NMNAT2: variants seen among roughly 807,000 people sequenced by gnomAD.
NMNAT2 encodes the protein nicotinamide nucleotide adenylyltransferase 2, also known as nicotinamide/nicotinic acid mononucleotide adenylyltransferase 2.
NMNAT2 carries 11 observed loss-of-function variants against 41.6 expected under a neutral mutation model. That is an observed-to-expected ratio of 0.26 (90% confidence interval 0.17 to 0.44). The LOEUF (loss-of-function observed/expected upper bound fraction) is 0.44, where lower values mean the gene tolerates loss of function less well. Ranked by LOEUF, NMNAT2 falls within the 20% of genes least tolerant of loss-of-function variation. The pLI is 1.00. For missense variants in NMNAT2, 288 were observed against 407.7 expected (o/e 0.71, Z 2.53); for synonymous variants, 148 against 151.2 (o/e 0.98, Z 0.16).
intron 1 of NMNAT2, among the ~76,000 whole-genome samples, chr1:183,322,486 C>T (rs1662375477): frequency 2.0e-5 from 3 of 152,186 alleles, no homozygotes; most frequent in Admixed American, 1.3e-4. Context: ...CTCCACCTGA[C>T]CCATCCAGCT....
chr1:183,338,149 T>A (rs1237445714), intron 1 of NMNAT2, among the ~76,000 whole-genome samples: 9 of 96,412 alleles, frequency 9.3e-5, no homozygotes, highest in Admixed American at 4.0e-4. Context: ...CCCATCTCTT[T>A]AAAAAAAAAA....
intron 1 of NMNAT2, among the ~76,000 whole-genome samples, chr1:183,295,935 G>A (rs977108298): frequency 2.0e-5 from 3 of 152,000 alleles, no homozygotes; most frequent in African/African-American, 7.3e-5. Flanking sequence ...TGCAACCTCC[G>A]CCTCCCGGGC....
chr1:183,412,368 CATG>C (rs1211461139), intron 1 of NMNAT2, among the ~76,000 whole-genome samples: 1 of 152,212 alleles, frequency 6.6e-6, no homozygotes, highest in African/African-American at 2.4e-5. Flanking sequence ...GGACTACAGG[CATG>C]TGCCACCACG....
At chr1:183,345,186 A>G (rs750776601) in intron 1 of NMNAT2, among the ~76,000 whole-genome samples, 56 of 151,936 alleles carry the variant, frequency 3.7e-4, no homozygotes, top group Non-Finnish European at 5.1e-4. Context: ...TACTTCTTCA[A>G]GTTATTAAGC....
At chr1:183,369,351 A>G (rs1183609748) in intron 1 of NMNAT2, among the ~76,000 whole-genome samples, 1 of 147,740 alleles carries the variant, frequency 6.8e-6, no homozygotes, top group East Asian at 2.0e-4. Context: ...ATCTCGGCTC[A>G]CTGCAGCCTC....
chr1:183,388,102 A>G (rs1648315319), intron 1 of NMNAT2, among the ~76,000 whole-genome samples: 1 of 152,252 alleles, frequency 6.6e-6, no homozygotes, highest in Non-Finnish European at 1.5e-5. Flanking sequence ...AGTTTAATAG[A>G]TAAAGAAACT....
At chr1:183,292,486 A>G (rs1661568826) in intron 3 of NMNAT2, among the ~76,000 whole-genome samples, 2 of 152,252 alleles carry the variant, frequency 1.3e-5, no homozygotes, top group East Asian at 1.9e-4. Context: ...TTTTCTGGTC[A>G]TGCTTCACCC....
intron 1 of NMNAT2, among the ~76,000 whole-genome samples, chr1:183,336,427 GA>G (rs1662679270): frequency 6.6e-6 from 1 of 152,144 alleles, no homozygotes; most frequent in Non-Finnish European, 1.5e-5. Context: ...TTTTTATTTT[GA>G]AAATAATTGT....
rs1299301778 is a variant in NMNAT2, at chr1:183,334,255, C to A, written c.86-40462G>T. Among the ~76,000 whole-genome samples the A allele has an allele frequency of 2.6e-5, 4 of 152,060 alleles. No individual in the cohort carries two copies. In the East Asian group the frequency reaches 7.7e-4, roughly 29 times the overall value. On this transcript the variant is annotated intron_variant, in intron 1 of 10. Coordinates refer to ENST00000287713, the MANE Select transcript of NMNAT2 (RefSeq NM_015039.4). ...CTAACTGCTGTATTTTTAGTAGACACAGGGTTTCACCATATTGGCCAGGCT... is the reference window on the plus strand; with the variant it reads ...CTAACTGCTGTATTTTTAGTAGACAAAGGGTTTCACCATATTGGCCAGGCT...
chr1:183,379,794 T>C (rs1309627400), intron 1 of NMNAT2, among the ~76,000 whole-genome samples: 2 of 152,178 alleles, frequency 1.3e-5, no homozygotes, highest in Non-Finnish European at 2.9e-5. Context: ...AGCCTTCAAC[T>C]CTCTCAAATA....
At chr1:183,387,247 T>TG (rs1192649038) in intron 1 of NMNAT2, among the ~76,000 whole-genome samples, 1 of 151,700 alleles carries the variant, frequency 6.6e-6, no homozygotes, top group Non-Finnish European at 1.5e-5. Flanking sequence ...GTGTTTTTTT[T>TG]TTTTGCCTGT....
intron 8 of NMNAT2, among the ~76,000 whole-genome samples, chr1:183,277,512 CAAAAAAA>C (rs759856572): frequency 5.2e-4 from 25 of 47,704 alleles, no homozygotes; most frequent in African/African-American, 1.3e-3. Context: ...GACTCCGTCT[CAAAAAAA>C]AAAAAAAAAA....
chr1:183,394,001 A>G (rs1648561258), intron 1 of NMNAT2, among the ~76,000 whole-genome samples: 1 of 152,234 alleles, frequency 6.6e-6, no homozygotes, highest in Admixed American at 6.5e-5. Flanking sequence ...GAGATGGACA[A>G]TAAACAAATA....
intron 3 of NMNAT2, among the ~76,000 whole-genome samples, chr1:183,292,068 G>T (rs1477899184): frequency 6.6e-6 from 1 of 152,184 alleles, no homozygotes; most frequent in African/African-American, 2.4e-5. Context: ...TCTAGGTGCT[G>T]CTTATTTTTC....
At chr1:183,340,469 A>G (rs1187074115) in intron 1 of NMNAT2, among the ~76,000 whole-genome samples, 3 of 151,990 alleles carry the variant, frequency 2.0e-5, no homozygotes, top group Non-Finnish European at 2.9e-5. Flanking sequence ...GATTACAGAC[A>G]TGTGCCACCA....
chr1:183,352,519 C>T (rs1032934874), intron 1 of NMNAT2, among the ~76,000 whole-genome samples: 1 of 131,326 alleles, frequency 7.6e-6, no homozygotes, highest in Non-Finnish European at 1.5e-5. Context: ...GCCAAGATCA[C>T]ACCACTATAC....
chr1:183,368,488 T>TG (rs1308154862), intron 1 of NMNAT2, among the ~76,000 whole-genome samples: 2 of 152,148 alleles, frequency 1.3e-5, no homozygotes, highest in African/African-American at 4.8e-5. Context: ...TGAACAGAAT[T>TG]GGGGTGTTTG....
chr1:183,290,306 G>T, intron 3 of NMNAT2, 100 bp from the exon 4 acceptor site: 1 of 906,178 alleles, frequency 1.1e-6, no homozygotes, highest in Non-Finnish European at 1.7e-6. Context: ...TGGCAGATCT[G>T]GCCATACCAT....
intron 1 of NMNAT2, among the ~76,000 whole-genome samples, chr1:183,335,244 A>T (rs1662659429): frequency 6.6e-6 from 1 of 152,222 alleles, no homozygotes; most frequent in African/African-American, 2.4e-5. Context: ...TAACAGCAAC[A>T]CCATCTACTC....
Sources: allele counts gnomAD v4.1 joint callset (sites outside exome capture counted in the v4.1 genomes callset), GRCh38; gene constraint gnomAD v4.1.1; transcripts MANE v1.5; gene names NCBI Gene and HGNC (gene_info 2026-07-23, HGNC 2026-07-21).